The following SAMD11 variants were observed in gnomAD, a reference collection of about 807,000 sequenced individuals.
SAMD11 encodes the protein sterile alpha motif domain containing 11.
SAMD11 carries 77 observed loss-of-function variants against 64.4 expected under a neutral mutation model. The observed-to-expected ratio is 1.20, with a 90% confidence interval of 0.99 to 1.44. The LOEUF is 1.44. SAMD11 is among the 40% of genes most tolerant of loss of function. SAMD11 has a pLI of 0.00. For missense variants in SAMD11, 1,402 were observed against 943.3 expected, an observed-to-expected ratio of 1.49 and a Z score of -6.37; for synonymous variants, 658 against 421.9, an observed-to-expected ratio of 1.56 and a Z score of -6.86.
In SAMD11 at chr1:939,279, G is replaced by T. The variant is rs768456653; in HGVS notation, c.1062G>T (p.Ala354=). The change falls in exon 7 of 14, where the codon GCG becomes GCT. Residue 354 remains alanine (A), a synonymous_variant. Coordinates refer to ENST00000616016, the MANE Select transcript of SAMD11 (RefSeq NM_001385641.1). The part of the protein sequence containing the change: ...KRARSESPQE[A]LLLPRELGPS... Reference sequence around the variant, plus strand: ...ACCCCGGGTCCTCCCCAGCAGAGGCGCTGCTGCTGCCGCGGGAGCTGGGGC... The same window carrying T: ...ACCCCGGGTCCTCCCCAGCAGAGGCTCTGCTGCTGCCGCGGGAGCTGGGGC... The T allele has an allele frequency of 1.9e-6, 3 of 1,600,164 alleles. No individual in the cohort carries two copies. The highest frequency in any genetic ancestry group is 2.6e-6 in the Non-Finnish European group (3 of 1,174,218).
intron 2 of SAMD11, 67 bp from the exon 3 acceptor site, chr1:930,088 C>T (rs1408909076): frequency 6.7e-7 from 1 of 1,493,552 alleles, no homozygotes; most frequent in Admixed American, 2.1e-5. Context: ...TCCAGCCCCA[C>T]CTTCCTCTCC....
At position 944,484 on chromosome 1, in the gene SAMD11, G is replaced by A. The variant is rs1642027490; in HGVS notation, c.*331G>A. On this transcript the variant is annotated 3_prime_UTR_variant, in exon 14 of 14. Transcript: ENST00000616016. ...GCGGAGCTGACTTCAGCAGCCCACA[G>A]CTGTGGGGCTTCAGCAGCCACACCA... 1.3e-5 allele frequency: 9 copies of A among 683,362 alleles called. No homozygotes were observed. The highest frequency in any genetic ancestry group is 2.0e-5 in the South Asian group (1 of 48,860). The allele number at this position is 683,362 out of a possible 1,614,324, so 42.3% of individuals were successfully genotyped here. A position where few individuals can be genotyped will look rare whatever the true frequency, so the allele number is the denominator to read the frequency against.
At chr1:928,400 A>G (rs1428435639) in intron 2 of SAMD11, among the ~76,000 whole-genome samples, 1 of 152,152 alleles carries the variant, frequency 6.6e-6, no homozygotes, top group African/African-American at 2.4e-5. Flanking sequence ...TCAAAAAACT[A>G]AAAAAGAAGA....
intron 7 of SAMD11, among the ~76,000 whole-genome samples, chr1:939,909 G>A (rs1245908378): frequency 6.6e-6 from 1 of 152,118 alleles, no homozygotes; most frequent in Non-Finnish European, 1.5e-5. Context: ...GACGCCAGCT[G>A]GAGGGGCTGC....
At chr1:941,612 G>A (rs551384303) in intron 8 of SAMD11, among the ~76,000 whole-genome samples, 25 of 152,260 alleles carry the variant, frequency 1.6e-4, no homozygotes, top group Non-Finnish European at 2.5e-4. Context: ...AGAGCTGGAG[G>A]CGGAGGGGGG....
rs1386307623 is a variant in SAMD11, at chr1:930,232, C to T, written c.687C>T (p.Ser229=). ...ARNLKKERTP[S]FSASDGDSDG... is the part of the protein sequence containing the mutation. ...ACCTGAAGAAGGAGCGAACTCCCAGCTTCTCTGCCAGCGATGGTGACAGCG... is the reference window on the plus strand; with the variant it reads ...ACCTGAAGAAGGAGCGAACTCCCAGTTTCTCTGCCAGCGATGGTGACAGCG... The change falls in exon 3 of 14, where the codon AGC becomes AGT. Residue 229 remains serine (S), a synonymous_variant. Coordinates refer to ENST00000616016, the MANE Select transcript of SAMD11 (RefSeq NM_001385641.1). 15 of 1,596,382 alleles carry T rather than the reference C, an allele frequency of 9.4e-6. No individual in the cohort carries two copies. Among genetic ancestry groups the T allele is most frequent in the Non-Finnish European group, 1.2e-5 (14 of 1,172,028 alleles).
chr1:942,436 G>A lies in SAMD11; in HGVS notation c.1501G>A (p.Ala501Thr). Residue 501 changes from alanine (A) to threonine (T), a missense_variant, in exon 10 of 14, where the codon GCG becomes ACG. Transcript: ENST00000616016. ...CTACGGCTTCCTGCCCCCCGCGCAG[G>A]CGGAGATGTTCGCCTGGCAGCAGGA... Reference protein sequence around the residue: ...PGYGFLPPAQAEMFAWQQELL... With the variant: ...PGYGFLPPAQTEMFAWQQELL... The A allele has an allele frequency of 6.7e-7, 1 of 1,487,780 alleles. No individual in the cohort carries two copies. Among genetic ancestry groups the A allele is most frequent in the Non-Finnish European group, 8.9e-7 (1 of 1,125,280 alleles). The allele number at this position is 1,487,780 out of a possible 1,614,324, so 92.2% of individuals were successfully genotyped here. A position where few individuals can be genotyped will look rare whatever the true frequency, so the allele number is the denominator to read the frequency against.
rs1404161698 is a variant in SAMD11, at chr1:939,312, G to T, written c.1095G>T (p.Met365Ile). ...TGCCGCGGGAGCTGGGGCCCAGCAT[G>T]GCCCCGGAGGACCATTACCGCCGGC... ...LLLPRELGPS[M>I]APEDHYRRLV... is the part of the protein sequence containing the mutation. Residue 365 changes from methionine (M) to isoleucine (I), a missense_variant, in exon 7 of 14, where the codon ATG becomes ATT. Met to Ile is a conservative substitution (Grantham distance 10, BLOSUM62 1). Transcript: ENST00000616016. 6.2e-7 allele frequency: 1 copy of T among 1,611,036 alleles called. No homozygotes were observed. The highest frequency in any genetic ancestry group is 8.5e-7 in the Non-Finnish European group (1 of 1,179,314).
chr1:944,185 A>C lies in SAMD11; in HGVS notation c.*32A>C, dbSNP rs766568052. The C allele has an allele frequency of 2.6e-6, 4 of 1,513,248 alleles. No individual in the cohort carries two copies. In the South Asian group the frequency reaches 4.1e-5, roughly 15 times the overall value. The allele number at this position is 1,513,248 out of a possible 1,614,324, so 93.7% of individuals were successfully genotyped here. On this transcript the variant is annotated 3_prime_UTR_variant, in exon 14 of 14. Transcript: ENST00000616016. Reference sequence around the variant, plus strand: ...CGGGGGTAGGGGTGGGGCCACACAAATCTCCAGGAGCCACCACTCAACACA... The same window carrying C: ...CGGGGGTAGGGGTGGGGCCACACAACTCTCCAGGAGCCACCACTCAACACA...
In SAMD11 at chr1:935,897, G is replaced by C; in HGVS notation, c.967+1G>C. The C allele has an allele frequency of 6.2e-7, 1 of 1,612,608 alleles. No individual in the cohort carries two copies. The highest frequency in any genetic ancestry group is 8.5e-7 in the Non-Finnish European group (1 of 1,179,638). On this transcript the variant is annotated splice_donor_variant, in intron 5 of 13. Transcript: ENST00000616016. LOFTEE classifies it high-confidence loss of function. ...CTGGAGATTGGCCTGCGACCCGCCGGTGAGGAGCACAGGGGGCCTGAGGGC... is the reference window on the plus strand; with the variant it reads ...CTGGAGATTGGCCTGCGACCCGCCGCTGAGGAGCACAGGGGGCCTGAGGGC...
At chr1:935,279 G>T (rs188127375) in intron 4 of SAMD11, among the ~76,000 whole-genome samples, 70 of 152,134 alleles carry the variant, frequency 4.6e-4, no homozygotes, top group Non-Finnish European at 8.1e-4. Flanking sequence ...TGCGTGGGGC[G>T]CGTCTCATCA....
chr1:939,075 C>T lies in SAMD11; in HGVS notation c.1003C>T (p.Arg335Cys), dbSNP rs575274130. The T allele has an allele frequency of 4.2e-5, 67 of 1,606,010 alleles. No homozygotes were observed. In the Admixed American group the frequency reaches 6.6e-4, roughly 16 times the overall value. ...GGGCAAGAGGCTGGGCCGCTCCCCC[C>T]GTATCAGCAGCGACTGCTTTTCAGA... is the stretch of plus-strand genomic sequence containing the variant. The part of the protein sequence containing the change: ...LLGKRLGRSP[R>C]ISSDCFSEKR... The change falls in exon 6 of 14, where the codon CGT (arginine) becomes TGT (cysteine). Residue 335 changes from arginine (R) to cysteine (C), a missense_variant. By Grantham distance (180) the Arg-to-Cys change is radical. Coordinates refer to ENST00000616016, the MANE Select transcript of SAMD11 (RefSeq NM_001385641.1).
chr1:933,745 G>T (rs1241638528), intron 4 of SAMD11, among the ~76,000 whole-genome samples: 2 of 151,510 alleles, frequency 1.3e-5, no homozygotes, highest in Non-Finnish European at 3.0e-5. Flanking sequence ...TGTGCCTGGG[G>T]GGGGCTTCCT....
At chr1:930,439 C>T (rs1641116753) in intron 3 of SAMD11, 103 bp downstream of exon 3, 3 of 1,275,244 alleles carry the variant, frequency 2.4e-6, no homozygotes, top group Non-Finnish European at 3.2e-6. Flanking sequence ...GCCTCCCACA[C>T]CTTCCCTCAG....
chr1:944,506 ACCAGCCCAGC>A lies in SAMD11; in HGVS notation c.*364_*373del, dbSNP rs534332180. ...ACAGCTGTGGGGCTTCAGCAGCCAC[ACCAGCCCAGC>A]CCAGCCCAGCTCTCGATACGTTTGG... On this transcript the variant is annotated 3_prime_UTR_variant, in exon 14 of 14. Coordinates refer to ENST00000616016, the MANE Select transcript of SAMD11 (RefSeq NM_001385641.1). 8 of 636,328 alleles carry A rather than the reference ACCAGCCCAGC, an allele frequency of 1.3e-5. No homozygotes were observed. In the South Asian group the frequency reaches 1.4e-4, roughly 11 times the overall value. 39.4% of individuals were successfully genotyped at this position (636,328 alleles called of 1,614,324 possible). A position where few individuals can be genotyped will look rare whatever the true frequency, so the allele number is the denominator to read the frequency against.
chr1:931,557 C>T lies in SAMD11; in HGVS notation c.842+468C>T, dbSNP rs554547720. Among the ~76,000 whole-genome samples the T allele has an allele frequency of 1.6e-4, 25 of 152,160 alleles. 1 individual carries two copies. The South Asian group carries it at 2.3e-3, about 14-fold the overall frequency. On this transcript the variant is annotated intron_variant, in intron 4 of 13. Coordinates refer to ENST00000616016, the MANE Select transcript of SAMD11 (RefSeq NM_001385641.1). ...TGCAGAGTAGAGGAACAGGGAAGGG[C>T]GTGTAGGAGGGACGAGGAGTGAACC...
chr1:943,678 TCC>T lies in SAMD11; in HGVS notation c.2179-18_2179-17del. ...TGGAGCAGCACCCGGGTCCTGACCC[TCC>T]CTCCCTCCCCCTTCCAGGTCTTCAG... On this transcript the variant is annotated intron_variant, in intron 12 of 13. Coordinates refer to ENST00000616016, the MANE Select transcript of SAMD11 (RefSeq NM_001385641.1). 1.7e-6 allele frequency: 2 copies of T among 1,194,598 alleles called. No homozygotes were observed. Among genetic ancestry groups the T allele is most frequent in the Non-Finnish European group, 2.3e-6 (2 of 861,924 alleles). 74.0% of individuals were successfully genotyped at this position (1,194,598 alleles called of 1,614,324 possible). A position where few individuals can be genotyped will look rare whatever the true frequency, so the allele number is the denominator to read the frequency against.
Position 942,685 on chromosome 1 carries a change from G to A in SAMD11, c.1680G>A (p.Leu560=), listed in dbSNP as rs888756801. Residue 560 remains leucine, a synonymous_variant, in exon 11 of 14, where the codon CTG becomes CTA. Coordinates refer to ENST00000616016, the MANE Select transcript of SAMD11 (RefSeq NM_001385641.1). ...AGGAGCTGCAGCGGCGCGGGGCCCT[G>A]CTGGTGCTGAACCACGGCGCGGCGC... is the stretch of plus-strand genomic sequence containing the variant. ...GAEELQRRGA[L]LVLNHGAAPL... is the part of the protein sequence containing the mutation. 27 of 1,439,462 alleles carry A rather than the reference G, an allele frequency of 1.9e-5. No individual in the cohort carries two copies. The highest frequency in any genetic ancestry group is 2.4e-5 in the Non-Finnish European group (26 of 1,106,200). 89.2% of individuals were successfully genotyped at this position (1,439,462 alleles called of 1,614,324 possible).
intron 7 of SAMD11, chr1:940,432 G>T (rs1641694075): frequency 6.6e-6 from 1 of 151,994 alleles, no homozygotes. Flanking sequence ...GCTGGCACCC[G>T]GCCCGGGGCG....
Sources: gnomAD v4.1 joint callset for allele counts (sites outside exome capture counted in the v4.1 genomes callset) on GRCh38, gnomAD v4.1.1 for gene constraint, MANE v1.5 for transcripts, NCBI Gene and HGNC (gene_info 2026-07-23, HGNC 2026-07-21) for gene names.